The following MTMR3 variants were observed in gnomAD, a reference collection of about 807,000 sequenced individuals.
MTMR3 encodes phosphatidylinositol-3,5-bisphosphate 3-phosphatase MTMR3.
Under a neutral mutation model 132.4 loss-of-function variants are expected in MTMR3, and 32 were observed. That is an observed-to-expected ratio of 0.24 (90% CI 0.18 to 0.32). The LOEUF is 0.32. MTMR3 is among the 10% of genes least tolerant of loss of function. The pLI is 1.00. For synonymous variants in MTMR3, 556 were observed against 550.3 expected, an observed-to-expected ratio of 1.01 and a Z score of -0.14; for missense variants, 1,216 against 1,489.6, an observed-to-expected ratio of 0.82 and a Z score of 3.02.
chr22:29,954,059 C>CTATTTTTTT (rs2066135761), intron 1 of MTMR3, among the ~76,000 whole-genome samples: 1 of 79,426 alleles, frequency 1.3e-5, no homozygotes, highest in Non-Finnish European at 2.2e-5. Context: ...TCAAATGAGT[C>CTATTTTTTT]TTTTTTTTTT....
chr22:30,020,183 G>A lies in MTMR3; in HGVS notation c.2524G>A (p.Val842Met), dbSNP rs199966820. Reference protein sequence around the residue: ...QVPFETRGPNVDSSTDMLVED... With the variant: ...QVPFETRGPNMDSSTDMLVED... ...CCCTTTTGAGACCAGAGGACCAAAC[G>A]TGGACAGTTCTACAGACATGTTAGT... The change falls in exon 17 of 20, where the codon GTG (valine) becomes ATG (methionine). Residue 842 changes from valine to methionine, a missense_variant. By Grantham distance (21) the Val-to-Met change is conservative. This residue lies in a region of MTMR3 where 852 missense variants were observed against 852.0 expected (regional missense o/e 1.00). Transcript: ENST00000401950. The A allele has an allele frequency of 8.2e-5, 132 of 1,614,206 alleles. 2 individuals are homozygous for A. The highest frequency in any genetic ancestry group is 3.1e-4 in the South Asian group (28 of 91,080).
At chr22:29,933,170 GTGT>G (rs2065678797) in intron 1 of MTMR3, among the ~76,000 whole-genome samples, 1 of 151,890 alleles carries the variant, frequency 6.6e-6, no homozygotes, top group African/African-American at 2.4e-5. Flanking sequence ...GGGTTTCACT[GTGT>G]TAGCCAGGAT....
chr22:29,931,196 C>T (rs997222010), intron 1 of MTMR3, among the ~76,000 whole-genome samples: 5 of 152,100 alleles, frequency 3.3e-5, no homozygotes, highest in African/African-American at 1.2e-4. Context: ...ACAAGGTTAA[C>T]AGTACTTGAA....
rs1470801231 is a variant in MTMR3, at chr22:30,029,772, C to G, written c.*3971C>G. On this transcript the variant is annotated 3_prime_UTR_variant, in exon 20 of 20. Coordinates refer to ENST00000401950, the MANE Select transcript of MTMR3 (RefSeq NM_021090.4). Reference sequence around the variant, plus strand: ...CTAACAGCAGAATTTAAAGTGGACCCTGGGCTGTGGAGCAAAGTGACTATC... The same window carrying G: ...CTAACAGCAGAATTTAAAGTGGACCGTGGGCTGTGGAGCAAAGTGACTATC... The G allele has an allele frequency of 1.3e-5, 2 of 152,356 alleles. No homozygotes were observed. The highest frequency in any genetic ancestry group is 2.9e-5 in the Non-Finnish European group (2 of 68,034). 9.4% of individuals were successfully genotyped at this position (152,356 alleles called of 1,614,324 possible).
At chr22:29,970,952 C>CT in intron 2 of MTMR3, 24 bp from the exon 3 acceptor site, 1 of 312,934 alleles carries the variant, frequency 3.2e-6, no homozygotes, top group African/African-American at 2.6e-5. Context: ...TTTTCTTCTT[C>CT]CCCCTCTTCC....
chr22:29,991,710 T>C (rs368378026), intron 7 of MTMR3, 40 bp downstream of exon 7: 4 of 1,519,196 alleles, frequency 2.6e-6, no homozygotes, highest in Non-Finnish European at 3.5e-6. Context: ...AGGGGCTTTA[T>C]CAAGCTACTG....
rs1364711028 is a variant in MTMR3, at chr22:29,978,824, G to C, written c.94-112G>C. The C allele has an allele frequency of 1.4e-5, 11 of 808,404 alleles. No individual in the cohort carries two copies. In the East Asian group the frequency reaches 2.7e-4, roughly 20 times the overall value. The allele number at this position is 808,404 out of a possible 1,614,324, so 50.1% of individuals were successfully genotyped here. ...TAGCTTCCTTATCTACTTATGTGCT[G>C]TGTTTTCAACTTCAGTGGCAGAGGA... On this transcript the variant is annotated intron_variant, in intron 4 of 19. Transcript: ENST00000401950.
rs10222281 is a variant in MTMR3, at chr22:29,970,958, C to T, written c.-84-18C>T. On this transcript the variant is annotated intron_variant, in intron 2 of 19. Coordinates refer to ENST00000401950, the MANE Select transcript of MTMR3 (RefSeq NM_021090.4). ...CTCTTTTTTTTTTCTTCTTCCCCCT[C>T]TTCCCCCCCACCCCCAGACTTCACC... The T allele has an allele frequency of 3.2e-4, 161 of 497,058 alleles. No homozygotes were observed. Among genetic ancestry groups the T allele is most frequent in the South Asian group, 9.5e-4 (30 of 31,698 alleles). 30.8% of individuals were successfully genotyped at this position (497,058 alleles called of 1,614,324 possible).
chr22:29,900,692 G>A (rs1361324089), intron 1 of MTMR3, among the ~76,000 whole-genome samples: 1 of 152,076 alleles, frequency 6.6e-6, no homozygotes, highest in Admixed American at 6.6e-5. Context: ...TGCCTAGGTG[G>A]GTTGAGTTCT....
At position 30,012,718 on chromosome 22, in the gene MTMR3, G is replaced by A; in HGVS notation, c.1317+155G>A. The A allele has an allele frequency of 9.2e-6, 7 of 761,028 alleles. No homozygotes were observed. In the South Asian group the frequency reaches 1.1e-4, roughly 12 times the overall value. 47.1% of individuals were successfully genotyped at this position (761,028 alleles called of 1,614,324 possible). On this transcript the variant is annotated intron_variant, in intron 13 of 19. Transcript: ENST00000401950. Reference sequence around the variant, plus strand: ...TTATGCCATGAGCTAAATTGTGGTGGTTCCTCCCACAGTTCTTGCACCTCT... The same window carrying A: ...TTATGCCATGAGCTAAATTGTGGTGATTCCTCCCACAGTTCTTGCACCTCT...
chr22:29,968,040 G>T (rs1010237393), intron 2 of MTMR3, among the ~76,000 whole-genome samples: 1 of 151,838 alleles, frequency 6.6e-6, no homozygotes, highest in African/African-American at 2.4e-5. Context: ...CATGAATAAT[G>T]CTGTTACGAA....
intron 5 of MTMR3, chr22:29,982,774 A>G (rs1161219970): frequency 6.6e-6 from 1 of 152,232 alleles, no homozygotes; most frequent in African/African-American, 2.4e-5. Flanking sequence ...TTCCTGTGGT[A>G]AAGAATCTCT....
At chr22:29,967,160 A>G (rs934882615) in intron 2 of MTMR3, among the ~76,000 whole-genome samples, 1 of 148,636 alleles carries the variant, frequency 6.7e-6, no homozygotes, top group Non-Finnish European at 1.5e-5. Flanking sequence ...TATCTTATGA[A>G]GAGTTTGATT....
chr22:29,938,224 C>G (rs1302069204), intron 1 of MTMR3, among the ~76,000 whole-genome samples: 1 of 152,240 alleles, frequency 6.6e-6, no homozygotes, highest in Admixed American at 6.5e-5. Flanking sequence ...AACTGTTTTC[C>G]TGGAATCTTC....
intron 1 of MTMR3, among the ~76,000 whole-genome samples, chr22:29,910,528 C>T (rs970363236): frequency 6.6e-6 from 1 of 152,134 alleles, no homozygotes; most frequent in African/African-American, 2.4e-5. Flanking sequence ...GGAGAGTTAG[C>T]TATGTGAGTG....
intron 1 of MTMR3, among the ~76,000 whole-genome samples, chr22:29,893,006 TA>T (rs1416625914): frequency 6.6e-6 from 1 of 152,190 alleles, no homozygotes; most frequent in Non-Finnish European, 1.5e-5. Flanking sequence ...TTTCAAGAGG[TA>T]GACTGAAAGT....
In MTMR3 at chr22:30,021,318, G is replaced by C. The variant is rs908593721; in HGVS notation, c.3225+434G>C. On this transcript the variant is annotated intron_variant, in intron 17 of 19. Coordinates refer to ENST00000401950, the MANE Select transcript of MTMR3 (RefSeq NM_021090.4). ...CGTGGGCTATGGCTTTGAAGGTTCA[G>C]TTCTTTTTAAACAAATATTTATACC... is the stretch of plus-strand genomic sequence containing the variant. The C allele has an allele frequency of 7.9e-5, 14 of 177,446 alleles. No homozygotes were observed. The East Asian group carries it at 1.8e-3, about 23-fold the overall frequency. The allele number at this position is 177,446 out of a possible 1,614,324, so 11.0% of individuals were successfully genotyped here.
intron 13 of MTMR3, chr22:30,012,766 A>G (rs1360683682): frequency 3.9e-6 from 2 of 507,144 alleles, no homozygotes; most frequent in East Asian, 3.2e-5. Flanking sequence ...GATTATGGGT[A>G]ACAAGGTATT....
At position 30,022,056 on chromosome 22, in the gene MTMR3, C is replaced by G; in HGVS notation, c.3253C>G (p.Leu1085Val). 8 of 1,614,216 alleles carry G rather than the reference C, an allele frequency of 5.0e-6. No individual in the cohort carries two copies. Among genetic ancestry groups the G allele is most frequent in the Non-Finnish European group, 6.8e-6 (8 of 1,180,036 alleles). ...VTSIPDSESN[L>V]DQNCLSRCST... is the part of the protein sequence containing the mutation. ...TTCAATCCCCGACTCGGAAAGCAAT[C>G]TGGATCAGAACTGTTTGTCTCGCTG... is the stretch of plus-strand genomic sequence containing the variant. The change falls in exon 18 of 20, where the codon CTG becomes GTG. Residue 1085 changes from leucine (L) to valine (V), a missense_variant. Physicochemically the swap from Leu to Val is conservative, Grantham distance 32. Around this residue, in one of 7 missense-constraint regions of MTMR3, gnomAD observed 852 missense variants for 852.0 expected, o/e 1.00. Transcript: ENST00000401950.
Sources: gnomAD v4.1 joint callset for allele counts (sites outside exome capture counted in the v4.1 genomes callset) on GRCh38, gnomAD v4.1.1 for gene constraint, gnomAD v4.1.1 regional missense constraint, MANE v1.5 for transcripts, NCBI Gene and HGNC (gene_info 2026-07-23, HGNC 2026-07-21) for gene names.